The following SSUH2 variants were observed in gnomAD, a reference collection of about 807,000 sequenced individuals.
The protein encoded by SSUH2 is ssu-2 homolog.
A neutral mutation model predicts 55.3 loss-of-function variants in SSUH2; 47 were observed. The observed-to-expected ratio is 0.85, with a 90% CI of 0.67 to 1.08. The LOEUF (loss-of-function observed/expected upper bound fraction) is 1.08, where lower values mean the gene tolerates loss of function less well. Ranked by LOEUF, SSUH2 falls within the 50% of genes least tolerant of loss-of-function variation. The pLI is 0.00. For synonymous variants in SSUH2, 212 were observed against 191.5 expected, an observed-to-expected ratio of 1.11 and a Z score of -0.89; for missense variants, 535 against 490.7, an observed-to-expected ratio of 1.09 and a Z score of -0.85.
In SSUH2 at chr3:8,651,568, G is replaced by A. The variant is rs115836474; in HGVS notation, c.-307+7357C>T. Reference sequence around the variant, plus strand: ...CAAAAATGGGGAGCAGGAGCAGAATGAGGAATCGTGTATTTTTTTCACATG... The same window carrying A: ...CAAAAATGGGGAGCAGGAGCAGAATAAGGAATCGTGTATTTTTTTCACATG... On this transcript the variant is annotated intron_variant, in intron 7 of 18. Transcript: ENST00000317371. Among the ~76,000 whole-genome samples, 1,475 of 152,276 alleles carry A rather than the reference G, an allele frequency of 9.7e-3. 28 individuals are homozygous for A. The highest frequency in any genetic ancestry group is 0.034 in the African/African-American group (1,409 of 41,534).
At chr3:8,653,637 CAT>C (rs1295580624) in intron 7 of SSUH2, among the ~76,000 whole-genome samples, 6 of 152,332 alleles carry the variant, frequency 3.9e-5, no homozygotes, top group South Asian at 2.1e-4. Context: ...ATACGAATAA[CAT>C]AGAAATAACT....
chr3:8,623,301 T>C, intron 11 of SSUH2: 1 of 508,004 alleles, frequency 2.0e-6, no homozygotes, highest in Non-Finnish European at 3.5e-6. Flanking sequence ...CTTAAAACCC[T>C]GCAATCGCTT....
intron 6 of SSUH2, chr3:8,659,702 C>T (rs555807059): frequency 1.3e-5 from 6 of 451,074 alleles, no homozygotes; most frequent in Middle Eastern, 3.3e-4. Context: ...CATCCATCTA[C>T]CATGCATCAT....
At chr3:8,644,663 G>A (rs1701423276) in intron 1 of SSUH2, 68 bp downstream of exon 1, 1 of 1,366,914 alleles carries the variant, frequency 7.3e-7, no homozygotes. Context: ...GTCAGATTAG[G>A]TCCTCTTCAA....
intron 3 of SSUH2, chr3:8,634,696 AG>A: frequency 1.3e-6 from 1 of 755,456 alleles, no homozygotes; most frequent in South Asian, 1.4e-5. Flanking sequence ...TGCTTCTGGC[AG>A]CAGCAGGGCC....
At chr3:8,633,370 CTCACCTCAGGTG>C (rs928995428) in intron 4 of SSUH2, among the ~76,000 whole-genome samples, 3 of 150,166 alleles carry the variant, frequency 2.0e-5, no homozygotes, top group Admixed American at 6.6e-5. Context: ...TCTAACCTGA[CTCACCTCAGGTG>C]ATCCTGACCT....
At chr3:8,659,535 G>C (rs1703268256) in intron 6 of SSUH2, 1 of 303,834 alleles carries the variant, frequency 3.3e-6, no homozygotes, top group East Asian at 9.7e-5. Context: ...CCTCAGCAGA[G>C]GGGGCCTTTC....
chr3:8,678,466 G>T (rs1371967267), intron 2 of SSUH2, among the ~76,000 whole-genome samples: 5 of 149,880 alleles, frequency 3.3e-5, no homozygotes, highest in Admixed American at 6.7e-5. Context: ...ATCCCCCCCT[G>T]GCTCTTAGGA....
At chr3:8,640,102 T>C in intron 1 of SSUH2, 1 of 658,828 alleles carries the variant, frequency 1.5e-6, no homozygotes, top group Non-Finnish European at 1.9e-6. Flanking sequence ...AATTATTTAA[T>C]AGAGACAGAA....
At chr3:8,661,403 A>G (rs1397546480) in intron 6 of SSUH2, among the ~76,000 whole-genome samples, 1 of 152,188 alleles carries the variant, frequency 6.6e-6, no homozygotes, top group East Asian at 1.9e-4. Context: ...CCATTAGTCT[A>G]TGAGCAATTT....
At chr3:8,679,399 G>C (rs558999070) in intron 2 of SSUH2, among the ~76,000 whole-genome samples, 5 of 134,892 alleles carry the variant, frequency 3.7e-5, no homozygotes, top group Non-Finnish European at 6.5e-5. Context: ...AGGGGACTGA[G>C]AGCCAGCCCC....
At chr3:8,675,119 C>T (rs1705088306) in intron 3 of SSUH2, among the ~76,000 whole-genome samples, 1 of 152,184 alleles carries the variant, frequency 6.6e-6, no homozygotes, top group South Asian at 2.1e-4. Flanking sequence ...GCTACACTGA[C>T]TTTACATCCA....
At chr3:8,669,201 T>A (rs1240120431) in intron 5 of SSUH2, among the ~76,000 whole-genome samples, 1 of 152,136 alleles carries the variant, frequency 6.6e-6, no homozygotes, top group Non-Finnish European at 1.5e-5. Flanking sequence ...AAGGAATACA[T>A]CATGTAAAAG....
chr3:8,677,654 G>C (rs34447491), intron 2 of SSUH2, among the ~76,000 whole-genome samples: 1 of 150,890 alleles, frequency 6.6e-6, no homozygotes, highest in Non-Finnish European at 1.5e-5. Flanking sequence ...GGCTGAGGCC[G>C]GTGGCCTACG....
At position 8,681,123 on chromosome 3, in the gene SSUH2, G is replaced by C. The variant is rs866365854; in HGVS notation, c.-1046+768C>G. ...CCCGCGAGGCGGGTTCTGAGAGCCA[G>C]CCCCTCTTCCCCCCCTGCCTCTTAG... On this transcript the variant is annotated intron_variant, in intron 1 of 18. Transcript: ENST00000317371. Among the ~76,000 whole-genome samples, 410 of 90,744 alleles carry C rather than the reference G, an allele frequency of 4.5e-3. 16 individuals carry two copies. The highest frequency in any genetic ancestry group is 9.3e-3 in the Middle Eastern group (1 of 108). 59.5% of individuals were successfully genotyped at this position (90,744 alleles called of 152,430 possible).
intron 11 of SSUH2, 51 bp from the exon 12 acceptor site, chr3:8,620,065 C>CA: frequency 6.3e-7 from 1 of 1,598,258 alleles, no homozygotes; most frequent in Non-Finnish European, 8.5e-7. Context: ...TCAAGTCACT[C>CA]ACCTGCTCAG....
intron 3 of SSUH2, chr3:8,634,275 A>G: frequency 1.3e-6 from 1 of 799,934 alleles, no homozygotes; most frequent in Non-Finnish European, 1.8e-6. Flanking sequence ...GGCAGCGCCC[A>G]TGGAGACTCA....
intron 6 of SSUH2, chr3:8,663,740 T>TTA: frequency 2.2e-6 from 1 of 454,348 alleles, no homozygotes; most frequent in South Asian, 1.6e-5. Flanking sequence ...ATAGACGCTC[T>TTA]TACCTTAACA....
At chr3:8,654,374 T>G (rs1409112026) in intron 7 of SSUH2, among the ~76,000 whole-genome samples, 1 of 152,228 alleles carries the variant, frequency 6.6e-6, no homozygotes, top group Non-Finnish European at 1.5e-5. Flanking sequence ...CAACATCATG[T>G]TTGTAGAATC....
Sources: allele counts gnomAD v4.1 joint callset (sites outside exome capture counted in the v4.1 genomes callset), GRCh38; gene constraint gnomAD v4.1.1; transcripts MANE v1.5; gene names NCBI Gene and HGNC (gene_info 2026-07-23, HGNC 2026-07-21).